The following PPP2R5C variants were observed in gnomAD, a reference collection of about 807,000 sequenced individuals.
PPP2R5C encodes protein phosphatase 2 regulatory subunit B'gamma.
A neutral mutation model predicts 68.9 loss-of-function variants in PPP2R5C; 7 were observed. The ratio of observed to expected loss-of-function variants is 0.10; its 90% CI spans 0.06 to 0.19. The LOEUF is 0.19. PPP2R5C is among the 10% of genes least tolerant of loss of function. The pLI is 1.00. For synonymous variants in PPP2R5C, 210 were observed against 222.2 expected (o/e 0.95, Z 0.49); for missense variants, 348 against 641.3 (o/e 0.54, Z 4.94).
intron 1 of PPP2R5C, among the ~76,000 whole-genome samples, chr14:101,840,797 C>T (rs1462043980): frequency 1.3e-5 from 2 of 152,132 alleles, no homozygotes; most frequent in Admixed American, 1.3e-4. Context: ...TTGTGTTATG[C>T]AGAACCAGAC....
At chr14:101,775,997 T>C (rs2037396860) in intron 2 of PPP2R5C, among the ~76,000 whole-genome samples, 1 of 151,888 alleles carries the variant, frequency 6.6e-6, no homozygotes, top group Non-Finnish European at 1.5e-5. Flanking sequence ...GGCCGACAAG[T>C]GTCTCAAATA....
chr14:101,808,769 C>T (rs2039183684), upstream of PPP2R5C, among the ~76,000 whole-genome samples: 1 of 152,160 alleles, frequency 6.6e-6, no homozygotes. Context: ...GGACAAACTT[C>T]CTTGTTGGTG....
intron 8 of PPP2R5C, 22 bp from the exon 11 acceptor site, chr14:101,901,697 C>T (rs1192722848): frequency 6.2e-7 from 1 of 1,611,552 alleles, no homozygotes; most frequent in Non-Finnish European, 8.5e-7. Flanking sequence ...ATCAGTCACT[C>T]CACGTGTCAT....
chr14:101,860,197 C>G (rs1008225744), intron 2 of PPP2R5C, among the ~76,000 whole-genome samples: 1 of 152,068 alleles, frequency 6.6e-6, no homozygotes, highest in Non-Finnish European at 1.5e-5. Context: ...GCCATTGTTC[C>G]CTCCTCCCTC....
chr14:101,927,131 A>T (rs552257584), exon 14 of PPP2R5C: 7 of 152,126 alleles, frequency 4.6e-5, no homozygotes, highest in African/African-American at 7.2e-5. Context: ...TAGATTCTCA[A>T]ATATCCTTGA....
exon 9 of PPP2R5C, chr14:101,901,770 G>A: frequency 6.2e-7 from 1 of 1,614,102 alleles, no homozygotes; most frequent in South Asian, 1.1e-5. Context: ...TCCAAAAGAA[G>A]TAATGTTCTT....
intron 1 of PPP2R5C, among the ~76,000 whole-genome samples, chr14:101,851,260 G>A (rs970289581): frequency 6.6e-6 from 1 of 152,136 alleles, no homozygotes; most frequent in Non-Finnish European, 1.5e-5. Flanking sequence ...TAGTGAGATT[G>A]TGTCTCTATA....
chr14:101,821,551 T>C (rs1444938528), intron 1 of PPP2R5C, among the ~76,000 whole-genome samples: 1 of 152,018 alleles, frequency 6.6e-6, no homozygotes, highest in Admixed American at 6.6e-5. Flanking sequence ...TTGTTTCATT[T>C]CTTTAAAAAA....
intron 2 of PPP2R5C, among the ~76,000 whole-genome samples, chr14:101,866,024 A>G (rs1307243245): frequency 2.0e-5 from 3 of 152,152 alleles, no homozygotes; most frequent in African/African-American, 7.2e-5. Context: ...CCTCCCAAGT[A>G]GCTGGGATTA....
At chr14:101,816,840 T>C (rs1415861325) in intron 1 of PPP2R5C, among the ~76,000 whole-genome samples, 1 of 146,060 alleles carries the variant, frequency 6.8e-6, no homozygotes, top group Non-Finnish European at 1.5e-5. Context: ...TTTTTCATAA[T>C]GTTTGAGAGA....
chr14:101,766,270 A>G (rs907852576), intron 2 of PPP2R5C: 1 of 152,274 alleles, frequency 6.6e-6, no homozygotes, highest in Non-Finnish European at 1.5e-5. Flanking sequence ...GAAGTCCTGG[A>G]GTATAGGGTA....
At chr14:101,822,000 A>G (rs78133513) in intron 1 of PPP2R5C, among the ~76,000 whole-genome samples, 11,819 of 151,622 alleles carry the variant, frequency 0.078, 580 homozygotes, top group Admixed American at 0.15. Flanking sequence ...AACATCATTG[A>G]CGCTTTTAAG....
At chr14:101,833,153 T>A (rs1387109597) in intron 1 of PPP2R5C, among the ~76,000 whole-genome samples, 4 of 152,248 alleles carry the variant, frequency 2.6e-5, no homozygotes, top group African/African-American at 4.8e-5. Context: ...GTCAAAACTT[T>A]GTCCTTGATC....
At chr14:101,776,019 T>G in intron 2 of PPP2R5C, among the ~76,000 whole-genome samples, 2 of 151,304 alleles carry the variant, frequency 1.3e-5, no homozygotes, top group South Asian at 2.1e-4. Context: ...CATTTCAGAT[T>G]GTGCCCCCCC....
chr14:101,924,652 A>G (rs1258560233), intron 13 of PPP2R5C, among the ~76,000 whole-genome samples: 1 of 151,764 alleles, frequency 6.6e-6, no homozygotes, highest in East Asian at 1.9e-4. Context: ...TATGTTGGTC[A>G]GGCTGATCTT....
chr14:101,831,869 C>T, intron 1 of PPP2R5C: 1 of 642,696 alleles, frequency 1.6e-6, no homozygotes, highest in Non-Finnish European at 2.9e-6. Context: ...CTTACATTGG[C>T]TTTAAAGTTG....
At chr14:101,856,989 C>A in intron 2 of PPP2R5C, 104 bp downstream of exon 4, 1 of 1,100,758 alleles carries the variant, frequency 9.1e-7, no homozygotes, top group Non-Finnish European at 1.3e-6. Flanking sequence ...AAGAATCCTC[C>A]TGTTCCAGAA....
At chr14:101,826,699 A>G (rs373273460) in intron 1 of PPP2R5C, among the ~76,000 whole-genome samples, 1 of 152,232 alleles carries the variant, frequency 6.6e-6, no homozygotes. Context: ...CAGCTTAGCA[A>G]TGTTCCTTGT....
At chr14:101,927,090 T>C (rs1177683819) in exon 14 of PPP2R5C, 1 of 152,218 alleles carries the variant, frequency 6.6e-6, no homozygotes, top group Non-Finnish European at 1.5e-5. Context: ...TATTTTGATA[T>C]ACCATTGTTT....
Sources: allele counts gnomAD v4.1 joint callset (sites outside exome capture counted in the v4.1 genomes callset), GRCh38; gene constraint gnomAD v4.1.1; transcripts MANE v1.5; gene names NCBI Gene and HGNC (gene_info 2026-07-23, HGNC 2026-07-21).